ZMIZ1: variants seen among roughly 807,000 people sequenced by gnomAD.
ZMIZ1 encodes the protein zinc finger MIZ domain-containing protein 1.
Under a neutral mutation model 113.9 loss-of-function variants are expected in ZMIZ1, and 17 were observed. That is an observed-to-expected ratio of 0.15 (90% CI 0.10 to 0.22). The LOEUF (loss-of-function observed/expected upper bound fraction) is 0.22. Ranked by LOEUF, ZMIZ1 falls within the 10% of genes least tolerant of loss-of-function variation. The probability of loss-of-function intolerance (pLI) is 1.00; values close to 1 mark genes in which losing one functional copy is unlikely to be tolerated. For missense variants in ZMIZ1, 1,059 were observed against 1,477.8 expected (o/e 0.72, Z 4.65); for synonymous variants, 607 against 603.1 (o/e 1.01, Z -0.09).
chr10:79,165,704 G>A (rs1564692395), intron 4 of ZMIZ1, among the ~76,000 whole-genome samples: 1 of 152,184 alleles, frequency 6.6e-6, no homozygotes, highest in East Asian at 1.9e-4. Flanking sequence ...GTTCGGACCT[G>A]CCCTCCCACA....
At position 79,304,067 on chromosome 10, in the gene ZMIZ1, C is replaced by T. The variant is rs777814580; in HGVS notation, c.2178C>T (p.Asn726=). The part of the protein sequence containing the change: ...VAASSGNTTL[N]GEDGVEQTAI... Reference sequence around the variant, plus strand: ...CCTCCTCGGGCAACACGACCCTCAACGGGGAGGATGGGGTGGAGCAGACGG... The same window carrying T: ...CCTCCTCGGGCAACACGACCCTCAATGGGGAGGATGGGGTGGAGCAGACGG... The change falls in exon 19 of 25, where the codon AAC becomes AAT. Residue 726 remains asparagine, a synonymous_variant. Coordinates refer to ENST00000334512, the MANE Select transcript of ZMIZ1 (RefSeq NM_020338.4). 13 of 1,614,082 alleles carry T rather than the reference C, an allele frequency of 8.1e-6. No individual in the cohort carries two copies. In the East Asian group the frequency reaches 8.9e-5, roughly 11 times the overall value.
intron 3 of ZMIZ1, among the ~76,000 whole-genome samples, chr10:79,161,720 T>G (rs1221414926): frequency 3.9e-5 from 6 of 152,258 alleles, no homozygotes; most frequent in African/African-American, 1.2e-4. Context: ...GCATGCTTGC[T>G]GAATGTTTGT....
At position 79,315,443 on chromosome 10, in the gene ZMIZ1, CGAG is replaced by C. The variant is rs1279190144; in HGVS notation, c.*2696_*2698del. 6.5e-6 allele frequency: 1 copy of C among 152,816 alleles called. No individual in the cohort carries two copies. Among genetic ancestry groups the C allele is most frequent in the African/African-American group, 2.4e-5 (1 of 41,456 alleles). The allele number at this position is 152,816 out of a possible 1,614,324, so 9.5% of individuals were successfully genotyped here. On this transcript the variant is annotated 3_prime_UTR_variant, in exon 25 of 25. Coordinates refer to ENST00000334512, the MANE Select transcript of ZMIZ1 (RefSeq NM_020338.4). ...GAGCCATAAGTAACCTCAGCAAAAA[CGAG>C]GCCTCTGCAAGCCACTTTTCCATGC...
At chr10:79,229,547 G>A (rs1564537566) in intron 7 of ZMIZ1, among the ~76,000 whole-genome samples, 1 of 152,192 alleles carries the variant, frequency 6.6e-6, no homozygotes, top group South Asian at 2.1e-4. Flanking sequence ...CAGGAAACAG[G>A]AATTACTGGG....
At chr10:79,293,686 A>T in intron 12 of ZMIZ1, 33 bp downstream of exon 12, 1 of 1,613,034 alleles carries the variant, frequency 6.2e-7, no homozygotes, top group East Asian at 2.2e-5. Context: ...GGGAGGTGGG[A>T]ACTGGGACAC....
chr10:79,263,045 G>A (rs1469088739), intron 7 of ZMIZ1, among the ~76,000 whole-genome samples: 1 of 152,256 alleles, frequency 6.6e-6, no homozygotes, highest in East Asian at 1.9e-4. Flanking sequence ...CCTACAACAG[G>A]TTTTGGGTCG....
intron 7 of ZMIZ1, among the ~76,000 whole-genome samples, chr10:79,258,871 C>G (rs1851084681): frequency 6.6e-6 from 1 of 152,176 alleles, no homozygotes; most frequent in Non-Finnish European, 1.5e-5. Context: ...TGAACATGGT[C>G]TGCTGAAACT....
chr10:79,172,717 G>A (rs980430304), intron 4 of ZMIZ1, among the ~76,000 whole-genome samples: 5 of 152,148 alleles, frequency 3.3e-5, no homozygotes, highest in Admixed American at 3.3e-4. Context: ...GAGGGCCACC[G>A]TTGCATCTTT....
intron 7 of ZMIZ1, among the ~76,000 whole-genome samples, chr10:79,251,170 A>G (rs543546585): frequency 6.6e-5 from 10 of 151,670 alleles, no homozygotes; most frequent in Admixed American, 1.3e-4. Context: ...TCACCCCACA[A>G]AGGTGCCCTC....
chr10:79,290,978 C>T lies in ZMIZ1; in HGVS notation c.560C>T (p.Ala187Val). The T allele has an allele frequency of 1.2e-6, 2 of 1,614,028 alleles. No individual in the cohort carries two copies. Among genetic ancestry groups the T allele is most frequent in the Non-Finnish European group, 1.7e-6 (2 of 1,179,934 alleles). ...SQSQVLGNPM[A>V]NANNPMNPGG... Reference sequence around the variant, plus strand: ...CCACAGGTCCTTGGGAACCCTATGGCCAATGCCAACAACCCCATGAATCCA... The same window carrying T: ...CCACAGGTCCTTGGGAACCCTATGGTCAATGCCAACAACCCCATGAATCCA... The change falls in exon 10 of 25, where the codon GCC becomes GTC. Residue 187 changes from alanine (A) to valine (V), a missense_variant. Transcript: ENST00000334512.
chr10:79,214,540 T>A (rs1004860596), intron 6 of ZMIZ1, among the ~76,000 whole-genome samples: 4 of 152,168 alleles, frequency 2.6e-5, no homozygotes, highest in African/African-American at 9.7e-5. Context: ...TAAGTGGTGT[T>A]CCCAGCCCTT....
At chr10:79,282,887 G>C (rs886072136) in intron 8 of ZMIZ1, among the ~76,000 whole-genome samples, 1 of 152,346 alleles carries the variant, frequency 6.6e-6, no homozygotes, top group African/African-American at 2.4e-5. Flanking sequence ...AGAGAAGGTG[G>C]CCAGAGAGGC....
At chr10:79,235,610 G>C (rs1387563213) in intron 7 of ZMIZ1, among the ~76,000 whole-genome samples, 1 of 152,150 alleles carries the variant, frequency 6.6e-6, no homozygotes, top group Non-Finnish European at 1.5e-5. Context: ...CCCAAATCAG[G>C]TTCACCCACC....
At chr10:79,238,032 G>A (rs1849664397) in intron 7 of ZMIZ1, among the ~76,000 whole-genome samples, 1 of 152,224 alleles carries the variant, frequency 6.6e-6, no homozygotes, top group African/African-American at 2.4e-5. Context: ...TAGCCCTGGG[G>A]GCAGCCCCAA....
At chr10:79,084,594 C>T (rs1347023450) in intron 1 of ZMIZ1, among the ~76,000 whole-genome samples, 1 of 152,318 alleles carries the variant, frequency 6.6e-6, no homozygotes, top group Non-Finnish European at 1.5e-5. Context: ...CTTACCCCAT[C>T]AATAAGATGC....
intron 8 of ZMIZ1, among the ~76,000 whole-genome samples, chr10:79,286,279 C>T (rs147911386): frequency 1.0e-3 from 154 of 152,364 alleles, no homozygotes; most frequent in African/African-American, 3.6e-3. Flanking sequence ...TCTGCTTGGT[C>T]CTTCATCCTT....
intron 7 of ZMIZ1, among the ~76,000 whole-genome samples, chr10:79,230,052 G>A (rs759394140): frequency 6.6e-6 from 1 of 152,112 alleles, no homozygotes; most frequent in Admixed American, 6.5e-5. Flanking sequence ...GAACTGACTC[G>A]TTGCACCCTG....
At chr10:79,233,292 A>G (rs952662759) in intron 7 of ZMIZ1, among the ~76,000 whole-genome samples, 1 of 152,258 alleles carries the variant, frequency 6.6e-6, no homozygotes, top group Non-Finnish European at 1.5e-5. Context: ...TAGTCTGTTC[A>G]GGCTGTTATA....
chr10:79,310,658 C>T (rs1855078119), intron 23 of ZMIZ1, among the ~76,000 whole-genome samples: 1 of 152,086 alleles, frequency 6.6e-6, no homozygotes, highest in South Asian at 2.1e-4. Flanking sequence ...CGTGTCTGTG[C>T]TTGTGTCGAA....
Sources: allele counts gnomAD v4.1 joint callset (sites outside exome capture counted in the v4.1 genomes callset), GRCh38; gene constraint gnomAD v4.1.1; transcripts MANE v1.5; gene names NCBI Gene and HGNC (gene_info 2026-07-23, HGNC 2026-07-21).